SORD: variants seen among roughly 807,000 people sequenced by gnomAD.
SORD encodes (R,R)-butanediol dehydrogenase.
In SORD, 18 loss-of-function variants were observed where a neutral mutation model predicts 35.6. That is an observed-to-expected ratio of 0.51 (90% CI 0.35 to 0.75). The LOEUF is 0.75. SORD is among the 30% of genes least tolerant of loss of function. SORD has a pLI of 0.01. For synonymous variants in SORD, 106 were observed against 152.9 expected, an observed-to-expected ratio of 0.69 and a Z score of 2.26; for missense variants, 250 against 390.2, an observed-to-expected ratio of 0.64 and a Z score of 3.03.
chr15:45,064,373 C>T (rs12324158), intron 4 of SORD, among the ~76,000 whole-genome samples: 3,031 of 152,244 alleles, frequency 0.02, 102 homozygotes, highest in African/African-American at 0.069. Flanking sequence ...TCTAAAAAAG[C>T]CTGCCCTACC....
intron 1 of SORD, among the ~76,000 whole-genome samples, chr15:45,037,122 A>G (rs111896706): frequency 0.016 from 2,390 of 152,346 alleles, 18 homozygotes; most frequent in Middle Eastern, 0.031. Context: ...CTGAGTTGCA[A>G]GGGTAATTAG....
At chr15:45,055,913 G>C (rs1441879599) in intron 3 of SORD, among the ~76,000 whole-genome samples, 1 of 152,066 alleles carries the variant, frequency 6.6e-6, no homozygotes, top group African/African-American at 2.4e-5. Flanking sequence ...AATAGATGCA[G>C]AAAAGGCCTT....
At chr15:45,052,438 G>A (rs561244004) in intron 3 of SORD, among the ~76,000 whole-genome samples, 1 of 152,312 alleles carries the variant, frequency 6.6e-6, no homozygotes, top group South Asian at 2.1e-4. Flanking sequence ...GGATGTAGGA[G>A]GGAGAGAAAT....
intron 1 of SORD, among the ~76,000 whole-genome samples, chr15:45,037,560 A>G (rs900645435): frequency 4.6e-5 from 7 of 152,226 alleles, no homozygotes; most frequent in South Asian, 2.1e-4. Flanking sequence ...TGAAATAAAG[A>G]CCTTAGTCTT....
chr15:45,027,685 A>G (rs1361048059), intron 1 of SORD, among the ~76,000 whole-genome samples: 1 of 152,258 alleles, frequency 6.6e-6, no homozygotes, highest in African/African-American at 2.4e-5. Context: ...TAATTACTGT[A>G]TGCCCCTTTG....
chr15:45,064,693 T>C (rs1290573960), intron 4 of SORD, among the ~76,000 whole-genome samples: 1 of 152,222 alleles, frequency 6.6e-6, no homozygotes, highest in Non-Finnish European at 1.5e-5. Flanking sequence ...GCTAAATCAC[T>C]GTTCTACAAA....
At chr15:45,034,152 A>T (rs1308479962) in intron 1 of SORD, among the ~76,000 whole-genome samples, 58 of 151,056 alleles carry the variant, frequency 3.8e-4, no homozygotes, top group African/African-American at 1.4e-3. Context: ...TTTTGTAATA[A>T]GAGTGAATGT....
chr15:45,062,351 A>G lies in SORD; in HGVS notation c.425+1125A>G, dbSNP rs375571300. On this transcript the variant is annotated intron_variant, in intron 4 of 8. Coordinates refer to ENST00000267814, the MANE Select transcript of SORD (RefSeq NM_003104.6). ...TTGTGAAGTTGAGTCTGGAGGAAGC[A>G]AAGTGCCTCCCTTTCTGCGTGGCCC... is the stretch of plus-strand genomic sequence containing the variant. Among the ~76,000 whole-genome samples, 8 of 152,346 alleles carry G rather than the reference A, an allele frequency of 5.3e-5. No individual in the cohort carries two copies. In the East Asian group the frequency reaches 1.2e-3, roughly 22 times the overall value.
chr15:45,048,479 C>T (rs1376253714), intron 3 of SORD, among the ~76,000 whole-genome samples: 1 of 152,144 alleles, frequency 6.6e-6, no homozygotes, highest in African/African-American at 2.4e-5. Context: ...GAGGCCAAGG[C>T]AGGAGGATTG....
chr15:45,068,642 TAG>T (rs1169086839), intron 6 of SORD, among the ~76,000 whole-genome samples: 2 of 151,390 alleles, frequency 1.3e-5, no homozygotes, highest in Admixed American at 6.6e-5. Flanking sequence ...ATAATATTTT[TAG>T]AGAGTTTACA....
At position 45,072,318 on chromosome 15, in the gene SORD, C is replaced by G. The variant is rs1210703641; in HGVS notation, c.788C>G (p.Ala263Gly). ...AEASIQAGIYATRSGGNLVLV... is the reference protein window; with the variant it reads ...AEASIQAGIYGTRSGGNLVLV... The stretch of plus-strand genomic sequence containing the variant: ...TTCTTGTTTTTACCTCCTTTACAGG[C>G]CACTCGCTCTGGTGGGAACCTCGTG... Residue 263 changes from alanine to glycine, a missense_variant and splice_region_variant, in exon 8 of 9, where the codon GCC becomes GGC. Physicochemically the swap from Ala to Gly is moderately conservative, Grantham distance 60 (BLOSUM62 0). Coordinates refer to ENST00000267814, the MANE Select transcript of SORD (RefSeq NM_003104.6). 4.8e-6 allele frequency: 3 copies of G among 624,542 alleles called. No individual in the cohort carries two copies. Among genetic ancestry groups the G allele is most frequent in the African/African-American group, 1.9e-5 (1 of 51,498 alleles). 38.7% of individuals were successfully genotyped at this position (624,542 alleles called of 1,614,324 possible).
chr15:45,024,080 C>A (rs1313980704), intron 1 of SORD, among the ~76,000 whole-genome samples: 1 of 152,160 alleles, frequency 6.6e-6, no homozygotes, highest in African/African-American at 2.4e-5. Context: ...GTGTCCTCTG[C>A]CTTAGACCCT....
intron 3 of SORD, among the ~76,000 whole-genome samples, chr15:45,055,045 G>A (rs200122571): frequency 0.016 from 2,420 of 152,210 alleles, 18 homozygotes; most frequent in Middle Eastern, 0.031. Flanking sequence ...TTTGGTTACT[G>A]TAGCCTTGTA....
At chr15:45,072,806 T>C (rs1351699740) in intron 8 of SORD, among the ~76,000 whole-genome samples, 1 of 142,090 alleles carries the variant, frequency 7.0e-6, no homozygotes, top group East Asian at 2.0e-4. Context: ...AGAAATCAAG[T>C]CCTGTGGCTT....
chr15:45,063,563 G>A (rs1366366201), intron 4 of SORD, among the ~76,000 whole-genome samples: 171 of 152,108 alleles, frequency 1.1e-3, no homozygotes, highest in Admixed American at 2.0e-3. Context: ...TTTCCAACAC[G>A]GTTGGCTGTG....
intron 4 of SORD, among the ~76,000 whole-genome samples, chr15:45,061,539 T>A (rs993209280): frequency 6.6e-6 from 1 of 152,102 alleles, no homozygotes; most frequent in Non-Finnish European, 1.5e-5. Context: ...TCCTCTGTTA[T>A]TAGTTTCCAC....
At chr15:45,073,305 T>C in intron 8 of SORD, 60 bp from the exon 9 acceptor site, 3 of 892,816 alleles carry the variant, frequency 3.4e-6, no homozygotes, top group Non-Finnish European at 4.9e-6. Context: ...TGCTTGGTAG[T>C]TTGGGGCACC....
intron 7 of SORD, chr15:45,069,852 C>T (rs1191938986): frequency 6.6e-6 from 1 of 152,096 alleles, no homozygotes; most frequent in Non-Finnish European, 1.5e-5. Flanking sequence ...CTTGTTTTGT[C>T]TCCCAGACCT....
In SORD at chr15:45,061,246, C is replaced by G. The variant is rs1893301037; in HGVS notation, c.425+20C>G. The G allele has an allele frequency of 6.2e-7, 1 of 1,612,460 alleles. No homozygotes were observed. Among genetic ancestry groups the G allele is most frequent in the Admixed American group, 1.7e-5 (1 of 59,980 alleles). On this transcript the variant is annotated intron_variant, in intron 4 of 8. Transcript: ENST00000267814. Reference sequence around the variant, plus strand: ...TTACAAGTTAGTGTCCACAGTCCCACTGGGTCACCTGGGACCTCTTTCCCT... The same window carrying G: ...TTACAAGTTAGTGTCCACAGTCCCAGTGGGTCACCTGGGACCTCTTTCCCT...
Sources: allele counts gnomAD v4.1 joint callset (sites outside exome capture counted in the v4.1 genomes callset), GRCh38; gene constraint gnomAD v4.1.1; transcripts MANE v1.5; gene names NCBI Gene and HGNC (gene_info 2026-07-23, HGNC 2026-07-21).